The following TMC6 variants were observed in gnomAD, a reference collection of about 807,000 sequenced individuals.
The protein encoded by TMC6 is transmembrane channel-like protein 6.
Under a neutral mutation model 95.4 loss-of-function variants are expected in TMC6, and 71 were observed. The ratio of observed to expected loss-of-function variants is 0.74; its 90% CI spans 0.61 to 0.91. The LOEUF (loss-of-function observed/expected upper bound fraction) is 0.91. Among genes scored for constraint, TMC6 ranks in the 40% least tolerant of loss-of-function variants. TMC6 has a pLI of 0.00. For missense variants in TMC6, 1,074 were observed against 1,079.1 expected, an observed-to-expected ratio of 1.00 and a Z score of 0.07; for synonymous variants, 514 against 483.1, an observed-to-expected ratio of 1.06 and a Z score of -0.84.
In TMC6 at chr17:78,119,054, G is replaced by A; in HGVS notation, c.1812-8C>T. On this transcript the variant is annotated splice_region_variant and splice_polypyrimidine_tract_variant and intron_variant, in intron 14 of 19. Coordinates refer to ENST00000590602, the MANE Select transcript of TMC6 (RefSeq NM_001127198.5). ...GAGAAGAGCACCCCCAGCCTGGGGAGGGGGTGGCAGTTCAGGGGCTGCTCC... is the reference window on the plus strand; with the variant it reads ...GAGAAGAGCACCCCCAGCCTGGGGAAGGGGTGGCAGTTCAGGGGCTGCTCC... 13 of 1,574,262 alleles carry A rather than the reference G, an allele frequency of 8.3e-6. No individual in the cohort carries two copies. The highest frequency in any genetic ancestry group is 1.0e-5 in the Non-Finnish European group (12 of 1,159,720).
chr17:78,125,505 GC>G (rs1423803009), intron 5 of TMC6, among the ~76,000 whole-genome samples: 1 of 152,258 alleles, frequency 6.6e-6, no homozygotes, highest in Non-Finnish European at 1.5e-5. Context: ...CAGGGCCACA[GC>G]CCTCCAAGCA....
chr17:78,113,329 A>G, intron 19 of TMC6, 118 bp from the exon 20 acceptor site: 1 of 1,315,820 alleles, frequency 7.6e-7, no homozygotes, highest in Non-Finnish European at 1.0e-6. Context: ...CTTTCTCCTG[A>G]GATGTATTTT....
At chr17:78,125,908 C>A in intron 4 of TMC6, 24 bp from the exon 5 acceptor site, 1 of 1,550,006 alleles carries the variant, frequency 6.5e-7, no homozygotes. Flanking sequence ...TGGGCAGGGC[C>A]GGGCCGGGCA....
At chr17:78,126,452 G>A in intron 3 of TMC6, 72 bp downstream of exon 3, 1 of 1,608,774 alleles carries the variant, frequency 6.2e-7, no homozygotes, top group Non-Finnish European at 8.5e-7. Context: ...TGCAGAGCTG[G>A]GAGGCCCGTC....
In TMC6 at chr17:78,124,740, C is replaced by G; in HGVS notation, c.675G>C (p.Gln225His). The G allele has an allele frequency of 6.3e-7, 1 of 1,587,194 alleles. No homozygotes were observed. The highest frequency in any genetic ancestry group is 8.6e-7 in the Non-Finnish European group (1 of 1,167,374). Residue 225 changes from glutamine to histidine, a missense_variant, in exon 8 of 20, where the codon CAG (glutamine) becomes CAC (histidine). Transcript: ENST00000590602. The part of the protein sequence containing the change: ...SLGLALLSAL[Q>H]ALMPWRYALK... ...GGGCGTAGCGCCACGGCATCAGGGCCTGCAGGGCGGAGAGCAGCGCCAGGC... is the reference window on the plus strand; with the variant it reads ...GGGCGTAGCGCCACGGCATCAGGGCGTGCAGGGCGGAGAGCAGCGCCAGGC...
In TMC6 at chr17:78,113,045, G is replaced by A. The variant is rs2073870192; in HGVS notation, c.*103C>T. The A allele has an allele frequency of 3.2e-5, 45 of 1,411,166 alleles. No individual in the cohort carries two copies. The highest frequency in any genetic ancestry group is 4.3e-5 in the Non-Finnish European group (44 of 1,024,056). 87.4% of individuals were successfully genotyped at this position (1,411,166 alleles called of 1,614,324 possible). A position where few individuals can be genotyped will look rare whatever the true frequency, so the allele number is the denominator to read the frequency against. On this transcript the variant is annotated 3_prime_UTR_variant, in exon 20 of 20. Coordinates refer to ENST00000590602, the MANE Select transcript of TMC6 (RefSeq NM_001127198.5). ...CTAGGCGCAGCTGCGGCTTTCGAGA[G>A]GCGAAACTGTCTTCCTTGTCCTGGT...
chr17:78,125,646 ACCG>A (rs1428734249), intron 5 of TMC6, 77 bp downstream of exon 5: 3 of 1,529,092 alleles, frequency 2.0e-6, no homozygotes, highest in Non-Finnish European at 2.6e-6. Context: ...CACCCCAGCC[ACCG>A]CCCAGGCCAG....
At chr17:78,115,014 G>A (rs2073989131) in intron 18 of TMC6, among the ~76,000 whole-genome samples, 1 of 152,254 alleles carries the variant, frequency 6.6e-6, no homozygotes, top group Non-Finnish European at 1.5e-5. Context: ...CCACCCAGTA[G>A]GGCAGGAGCC....
Position 78,112,257 on chromosome 17 carries a change from C to T in TMC6, c.*891G>A, listed in dbSNP as rs1007895881. ...GGGCTGGTCCCCGCAGGCCTGGAGCCCTGGGCTGTGATGGGCTGGTCCCCG... is the reference window on the plus strand; with the variant it reads ...GGGCTGGTCCCCGCAGGCCTGGAGCTCTGGGCTGTGATGGGCTGGTCCCCG... On this transcript the variant is annotated 3_prime_UTR_variant, in exon 20 of 20. Transcript: ENST00000590602. 20 of 267,684 alleles carry T rather than the reference C, an allele frequency of 7.5e-5. No homozygotes were observed. The Admixed American group carries it at 1.1e-3, about 15-fold the overall frequency. 16.6% of individuals were successfully genotyped at this position (267,684 alleles called of 1,614,324 possible).
rs2073820427 is a variant in TMC6 at position 78,111,284 on chromosome 17, T to C, written c.*1864A>G. 6.6e-6 allele frequency: 1 copy of C among 152,278 alleles called. No individual in the cohort carries two copies. Among genetic ancestry groups the C allele is most frequent in the African/African-American group, 2.4e-5 (1 of 41,450 alleles). The allele number at this position is 152,278 out of a possible 1,614,324, so 9.4% of individuals were successfully genotyped here. A position where few individuals can be genotyped will look rare whatever the true frequency, so the allele number is the denominator to read the frequency against. ...ATTCTCCAGAAATATCCAGGCCAAG[T>C]TCTTCCACTTTCCTGTCATAAGCAG... On this transcript the variant is annotated 3_prime_UTR_variant, in exon 20 of 20. Transcript: ENST00000590602.
At chr17:78,118,372 A>G (rs995106891) in intron 15 of TMC6, among the ~76,000 whole-genome samples, 1 of 151,984 alleles carries the variant, frequency 6.6e-6, no homozygotes, top group South Asian at 2.1e-4. Flanking sequence ...TGGCTAACAC[A>G]GTGAAACCCC....
At chr17:78,131,440 C>CCGACGCCGG (rs2074961713), upstream of TMC6, 7 of 1,167,834 alleles carry the variant, frequency 6.0e-6, no homozygotes, top group South Asian at 6.7e-5. Context: ...AGCCCAGGCC[C>CCGACGCCGG]CGACGCCGGC....
chr17:78,120,797 A>C lies in TMC6; in HGVS notation c.1571T>G (p.Leu524Arg). Reference sequence around the variant, plus strand: ...CCTGCGGCCCAGCCAGTGGTAGCACAGTGTCCCCAGGATGGCCAGCTTGAG... The same window carrying C: ...CCTGCGGCCCAGCCAGTGGTAGCACCGTGTCCCCAGGATGGCCAGCTTGAG... ...LILKLAILGT[L>R]CYHWLGRRVG... The change falls in exon 13 of 20, where the codon CTG becomes CGG. Residue 524 changes from leucine (L) to arginine (R), a missense_variant. Physicochemically the swap from Leu to Arg is moderately radical, Grantham distance 102. Coordinates refer to ENST00000590602, the MANE Select transcript of TMC6 (RefSeq NM_001127198.5). 6.2e-7 allele frequency: 1 copy of C among 1,613,454 alleles called. No homozygotes were observed. Among genetic ancestry groups the C allele is most frequent in the Non-Finnish European group, 8.5e-7 (1 of 1,179,802 alleles).
chr17:78,120,573 G>C, intron 13 of TMC6, 80 bp downstream of exon 13: 1 of 1,604,542 alleles, frequency 6.2e-7, no homozygotes. Context: ...GAAAGGTCCA[G>C]GCCTGAGAAC....
rs768196061 is a variant in TMC6, at chr17:78,124,175, C to A, written c.896G>T (p.Cys299Phe). 1 of 1,611,030 alleles carries A rather than the reference C, an allele frequency of 6.2e-7. No homozygotes were observed. The highest frequency in any genetic ancestry group is 1.7e-5 in the Admixed American group (1 of 59,960). The change falls in exon 9 of 20, where the codon TGC (cysteine) becomes TTC (phenylalanine). Residue 299 changes from cysteine to phenylalanine, a missense_variant. Coordinates refer to ENST00000590602, the MANE Select transcript of TMC6 (RefSeq NM_001127198.5). ...GTAGTACATGACGGTGTGGGTGAAG[C>A]AACCCTGCCACAGGGAGATCCAGCC... ...TGLELLTGAG[C>F]FTHTVMYYGH...
upstream of TMC6, chr17:78,131,316 G>A (rs1425019894): frequency 1.8e-6 from 1 of 568,828 alleles, no homozygotes; most frequent in Non-Finnish European, 3.2e-6. Flanking sequence ...GTGTCCCTCT[G>A]AGAGTTGGAG....
Position 78,108,692 on chromosome 17 carries a change from G to C in TMC6, c.*4456C>G, listed in dbSNP as rs751759645. 1 of 154,488 alleles carries C rather than the reference G, an allele frequency of 6.5e-6. No homozygotes were observed. Among genetic ancestry groups the C allele is most frequent in the African/African-American group, 2.4e-5 (1 of 41,480 alleles). The allele number at this position is 154,488 out of a possible 1,614,324, so 9.6% of individuals were successfully genotyped here. A position where few individuals can be genotyped will look rare whatever the true frequency, so the allele number is the denominator to read the frequency against. ...TGTAGGGACCCCACGCAAAGACCTCGTGGGCCTGGGTGTCCAGGGCACCAT... is the reference window on the plus strand; with the variant it reads ...TGTAGGGACCCCACGCAAAGACCTCCTGGGCCTGGGTGTCCAGGGCACCAT... On this transcript the variant is annotated 3_prime_UTR_variant, in exon 20 of 20. Coordinates refer to ENST00000590602, the MANE Select transcript of TMC6 (RefSeq NM_001127198.5).
upstream of TMC6, among the ~76,000 whole-genome samples, chr17:78,129,649 A>T (rs534896299): frequency 6.6e-6 from 1 of 152,212 alleles, no homozygotes; most frequent in African/African-American, 2.4e-5. The surrounding 1 kb of genome is among the most constrained non-coding windows in gnomAD (Gnocchi z 4.3). Flanking sequence ...AAAAGCGAGG[A>T]CCAGGCAGGG....
rs2074390145 is a variant in TMC6 at position 78,121,061 on chromosome 17, A to T, written c.1487T>A (p.Leu496Gln). ...CAGTACCGGGGAGTCATGCGGCTCC[A>T]GGGCGGCCAGGACACGGCACAGGTA... ...APYLCRVLAA[L>Q]EPHDSPVLEV... Residue 496 changes from leucine to glutamine, a missense_variant, in exon 12 of 20, where the codon CTG (leucine) becomes CAG (glutamine). By Grantham distance (113) the Leu-to-Gln change is moderately radical. Coordinates refer to ENST00000590602, the MANE Select transcript of TMC6 (RefSeq NM_001127198.5). The surrounding 1 kb of genome is among the most constrained non-coding windows in gnomAD (Gnocchi z 5.6). The T allele has an allele frequency of 6.2e-7, 1 of 1,613,116 alleles. No homozygotes were observed. The highest frequency in any genetic ancestry group is 1.3e-5 in the African/African-American group (1 of 74,916).
Sources: gnomAD v4.1 joint callset for allele counts (sites outside exome capture counted in the v4.1 genomes callset) on GRCh38, gnomAD v4.1.1 for gene constraint, Gnocchi (gnomAD v3.1) non-coding constraint, MANE v1.5 for transcripts, NCBI Gene and HGNC (gene_info 2026-07-23, HGNC 2026-07-21) for gene names.